Variants in AP3B1 observed in about 807,000 individuals in gnomAD.
The protein encoded by AP3B1 is adaptor related protein complex 3 subunit beta 1, also known as AP-3 complex subunit beta-1.
A neutral mutation model predicts 132.5 loss-of-function variants in AP3B1; 61 were observed. The observed-to-expected ratio is 0.46, with a 90% confidence interval of 0.37 to 0.57. The LOEUF (loss-of-function observed/expected upper bound fraction) is 0.57. Among genes scored for constraint, AP3B1 ranks in the 20% least tolerant of loss-of-function variants. The pLI is 0.00. For missense variants in AP3B1, 1,120 were observed against 1,289.4 expected (o/e 0.87, Z 2.01); for synonymous variants, 388 against 438.3 (o/e 0.89, Z 1.43).
chr5:78,141,446 A>G, intron 14 of AP3B1, 127 bp from the exon 15 acceptor site: 1 of 710,410 alleles, frequency 1.4e-6, no homozygotes, highest in Non-Finnish European at 2.3e-6. Context: ...TCTAGGAATT[A>G]ATCCTGTATT....
chr5:78,195,677 G>C (rs569211446), intron 7 of AP3B1, among the ~76,000 whole-genome samples: 2 of 152,038 alleles, frequency 1.3e-5, no homozygotes, highest in Non-Finnish European at 2.9e-5. Flanking sequence ...AAAATTAGCT[G>C]GGTGTGGTGA....
intron 5 of AP3B1, among the ~76,000 whole-genome samples, chr5:78,225,905 G>A (rs1188802020): frequency 3.3e-5 from 5 of 151,958 alleles, no homozygotes. Flanking sequence ...GCGACTGTAA[G>A]TAGATAAACC....
At chr5:78,003,135 A>G (rs921887216) in intron 26 of AP3B1, 80 bp from the exon 27 acceptor site, 25 of 1,491,942 alleles carry the variant, frequency 1.7e-5, no homozygotes, top group Non-Finnish European at 2.3e-5. Flanking sequence ...TAGGATTAAA[A>G]TAACTCTTTT....
intron 1 of AP3B1, among the ~76,000 whole-genome samples, chr5:78,279,027 G>A (rs987927485): frequency 1.3e-5 from 2 of 152,002 alleles, no homozygotes; most frequent in Non-Finnish European, 2.9e-5. Context: ...GATTAAAATG[G>A]TATCATATGT....
chr5:78,128,963 G>C (rs1174772685), intron 16 of AP3B1, among the ~76,000 whole-genome samples, 158 bp downstream of exon 16: 1 of 152,042 alleles, frequency 6.6e-6, no homozygotes, highest in Non-Finnish European at 1.5e-5. Flanking sequence ...TTGCTTTTGA[G>C]AGCAGATGAA....
chr5:78,281,407 C>T (rs546708389), intron 1 of AP3B1, among the ~76,000 whole-genome samples: 97 of 140,946 alleles, frequency 6.9e-4, no homozygotes, highest in African/African-American at 2.5e-3. Context: ...GCACTCCAGC[C>T]TGGGCAACAA....
At chr5:78,013,221 T>C (rs1235812734) in intron 26 of AP3B1, among the ~76,000 whole-genome samples, 1 of 152,098 alleles carries the variant, frequency 6.6e-6, no homozygotes, top group Non-Finnish European at 1.5e-5. Flanking sequence ...AATTTTATAT[T>C]TTTTGTAGAG....
At position 78,210,958 on chromosome 5, in the gene AP3B1, C is replaced by T. The variant is rs533971094; in HGVS notation, c.786+5097G>A. Among the ~76,000 whole-genome samples, 5 of 152,142 alleles carry T rather than the reference C, an allele frequency of 3.3e-5. No individual in the cohort carries two copies. In the East Asian group the frequency reaches 9.6e-4, roughly 29 times the overall value. On this transcript the variant is annotated intron_variant, in intron 7 of 26. Transcript: ENST00000255194. ...ATAAAATACTTAAACAATTTTATAT[C>T]CTTGAAAATTATACAAACTTGACCT...
intron 13 of AP3B1, 55 bp downstream of exon 13, chr5:78,162,764 A>G: frequency 1.3e-6 from 2 of 1,589,178 alleles, no homozygotes; most frequent in East Asian, 2.2e-5. Flanking sequence ...TGGAAATAAT[A>G]CCAAGAATAT....
At chr5:78,286,542 G>A (rs886320203) in intron 1 of AP3B1, among the ~76,000 whole-genome samples, 2 of 152,132 alleles carry the variant, frequency 1.3e-5, no homozygotes, top group African/African-American at 4.8e-5. Context: ...AACTAAACCT[G>A]CCTGTGACTC....
Position 78,177,385 on chromosome 5 carries a change from C to T in AP3B1, c.994G>A (p.Ala332Thr). 2 of 1,613,976 alleles carry T rather than the reference C, an allele frequency of 1.2e-6. No individual in the cohort carries two copies. Among genetic ancestry groups the T allele is most frequent in the African/African-American group, 2.7e-5 (2 of 75,034 alleles). The change falls in exon 9 of 27, where the codon GCT becomes ACT. Residue 332 changes from alanine (A) to threonine (T), a missense_variant. Physicochemically the swap from Ala to Thr is moderately conservative, Grantham distance 58. Around this residue, in one of 3 missense-constraint regions of AP3B1, gnomAD observed 906 missense variants for 997.1 expected, o/e 0.91. Transcript: ENST00000255194. ...ACTAGTGATTTAGAAATTATGCCAG[C>T]TTCAGATTTTGGTGATATGTGCCAA... ...LYWHISPKSEAGIISKSLVRL... is the reference protein window; with the variant it reads ...LYWHISPKSETGIISKSLVRL...
chr5:78,261,086 C>G (rs1176118349), intron 2 of AP3B1, among the ~76,000 whole-genome samples: 1 of 152,184 alleles, frequency 6.6e-6, no homozygotes, highest in Non-Finnish European at 1.5e-5. Flanking sequence ...GTAGAAATAT[C>G]TGTTCAAGTA....
At chr5:78,196,501 C>A (rs1745081938) in intron 7 of AP3B1, among the ~76,000 whole-genome samples, 1 of 152,274 alleles carries the variant, frequency 6.6e-6, no homozygotes, top group South Asian at 2.1e-4. Context: ...ACCAAACAAT[C>A]CAGCAATCAC....
chr5:78,001,084 C>A (rs903402494), downstream of AP3B1: 5 of 152,098 alleles, frequency 3.3e-5, no homozygotes, highest in Admixed American at 6.5e-5. Flanking sequence ...AATTAAATTT[C>A]CTTAGTTTAA....
chr5:78,053,510 T>C (rs1748670096), intron 22 of AP3B1, among the ~76,000 whole-genome samples: 1 of 151,730 alleles, frequency 6.6e-6, no homozygotes, highest in Non-Finnish European at 1.5e-5. Context: ...TGAAACCCCA[T>C]CTCTACTAAA....
At chr5:78,291,282 C>T (rs1466370707) in intron 1 of AP3B1, among the ~76,000 whole-genome samples, 1 of 151,964 alleles carries the variant, frequency 6.6e-6, no homozygotes, top group African/African-American at 2.4e-5. Context: ...GGAGTTGCAG[C>T]TGAAACATTA....
chr5:78,216,334 G>A lies in AP3B1; in HGVS notation c.604-97C>T, dbSNP rs9293731. On this transcript the variant is annotated intron_variant, in intron 6 of 26. Coordinates refer to ENST00000255194, the MANE Select transcript of AP3B1 (RefSeq NM_003664.5). ...ATAGTAATCAGTTTCATGCCAATCA[G>A]TATTAAAGTATTCAGTCATTCAATT... The A allele has an allele frequency of 0.29, 325,423 of 1,104,640 alleles. 48,848 individuals carry two copies. The highest frequency in any genetic ancestry group is 0.34 in the Middle Eastern group (1,734 of 5,052). The allele number at this position is 1,104,640 out of a possible 1,614,324, so 68.4% of individuals were successfully genotyped here. A position where few individuals can be genotyped will look rare whatever the true frequency, so the allele number is the denominator to read the frequency against.
intron 8 of AP3B1, among the ~76,000 whole-genome samples, chr5:78,177,830 A>C (rs1744212051): frequency 6.6e-6 from 1 of 152,206 alleles, no homozygotes; most frequent in Admixed American, 6.5e-5. Flanking sequence ...GATTGCTGGC[A>C]ATCACCAGAA....
At chr5:78,242,656 C>T (rs143954884) in intron 2 of AP3B1, among the ~76,000 whole-genome samples, 2,166 of 152,210 alleles carry the variant, frequency 0.014, 57 homozygotes, top group African/African-American at 0.049. Context: ...ATCCACCCCC[C>T]TCGGCCTCCC....
Sources: allele counts gnomAD v4.1 joint callset (sites outside exome capture counted in the v4.1 genomes callset), GRCh38; gene constraint gnomAD v4.1.1; regional missense constraint gnomAD v4.1.1; transcripts MANE v1.5; gene names NCBI Gene and HGNC (gene_info 2026-07-23, HGNC 2026-07-21).